The following DGKK variants were observed in gnomAD, a reference collection of about 807,000 sequenced individuals.
DGKK encodes the protein 142 kDa diacylglycerol kinase.
Under a neutral mutation model 92.2 loss-of-function variants are expected in DGKK, and 35 were observed. That is an observed-to-expected ratio of 0.38 (90% CI 0.29 to 0.50). The LOEUF (loss-of-function observed/expected upper bound fraction) is 0.50. Among genes scored for constraint, DGKK ranks in the 20% least tolerant of loss-of-function variants. DGKK has a pLI of 0.92. For synonymous variants in DGKK, 368 were observed against 360.6 expected (o/e 1.02, Z -0.23); for missense variants, 910 against 992.2 (o/e 0.92, Z 1.11).
Position 50,384,649 on chromosome X carries a change from T to C in DGKK, c.2452+71A>G, listed in dbSNP as rs782692343. 8.1e-6 allele frequency: 8 copies of C among 984,623 alleles called. No individual in the cohort carries two copies. The South Asian group carries it at 1.5e-4, about 18-fold the overall frequency. 81.1% of individuals were successfully genotyped at this position (984,623 alleles called of 1,213,427 possible). On this transcript the variant is annotated intron_variant, in intron 16 of 27. Coordinates refer to ENST00000611977, the MANE Select transcript of DGKK (RefSeq NM_001013742.4). ...TAAAAGAGGATGCATAAAAAATACATATTTATTCTTTGGGAGCTAAACAAC... is the reference window on the plus strand; with the variant it reads ...TAAAAGAGGATGCATAAAAAATACACATTTATTCTTTGGGAGCTAAACAAC...
chrX:50,424,208 AC>A, intron 2 of DGKK, 39 bp downstream of exon 2: 1 of 1,150,128 alleles, frequency 8.7e-7, no homozygotes, highest in Non-Finnish European at 1.2e-6. Flanking sequence ...GTTTCCTGGC[AC>A]CCACCCATTA....
rs1043432719 is a variant in DGKK, at chrX:50,370,674, G to A, written c.3613-125C>T. On this transcript the variant is annotated intron_variant, in intron 26 of 27. Coordinates refer to ENST00000611977, the MANE Select transcript of DGKK (RefSeq NM_001013742.4). The stretch of plus-strand genomic sequence containing the variant: ...AACAGGGAGATCTGCTCTCTATCCA[G>A]GTATGAGAAACACCCCCATCACTGG... 4.4e-5 allele frequency: 34 copies of A among 780,114 alleles called. No homozygotes were observed. In the Admixed American group the frequency reaches 1.1e-3, roughly 26 times the overall value. The allele number at this position is 780,114 out of a possible 1,213,427, so 64.3% of individuals were successfully genotyped here.
chrX:50,462,207 A>G (rs181589360), intron 1 of DGKK, among the ~76,000 whole-genome samples: 339 of 110,814 alleles, frequency 3.1e-3, no homozygotes, highest in African/African-American at 0.01. Context: ...AGTGTTGCCT[A>G]CCTGGATGAT....
intron 22 of DGKK, 58 bp from the exon 23 acceptor site, chrX:50,376,976 C>G (rs1466777057): frequency 9.1e-7 from 1 of 1,097,104 alleles, no homozygotes; most frequent in Non-Finnish European, 1.2e-6. Flanking sequence ...GTGCACATGA[C>G]AGATCTGTCT....
chrX:50,440,631 C>T (rs1926149183), intron 1 of DGKK, among the ~76,000 whole-genome samples: 1 of 111,496 alleles, frequency 9.0e-6, no homozygotes, highest in South Asian at 3.8e-4. Flanking sequence ...CTTTGGGAAG[C>T]TAAGAGAATT....
rs782285554 is a variant in DGKK at position 50,450,666 on chromosome X, T to C, written c.645+19368A>G. ...TTCATGTTATTTTTAGACTACTGAG[T>C]CAAAGTTCTTCCCAGAGGACAAGAG... On this transcript the variant is annotated intron_variant, in intron 1 of 27. Transcript: ENST00000611977. 3.6e-5 allele frequency among the ~76,000 whole-genome samples: 4 copies of C among 112,069 alleles called. No homozygotes were observed. In the Admixed American group the frequency reaches 3.8e-4, roughly 11 times the overall value.
Position 50,426,760 on chromosome X carries a change from T to G in DGKK, c.646-2402A>C, listed in dbSNP as rs782033723. Reference sequence around the variant, plus strand: ...CCAGAGCAACAACTAGAAAAATAACTTTTAAAAATTATTAATACATCATAA... The same window carrying G: ...CCAGAGCAACAACTAGAAAAATAACGTTTAAAAATTATTAATACATCATAA... On this transcript the variant is annotated intron_variant, in intron 1 of 27. Coordinates refer to ENST00000611977, the MANE Select transcript of DGKK (RefSeq NM_001013742.4). 1.5e-3 allele frequency among the ~76,000 whole-genome samples: 164 copies of G among 112,243 alleles called. No homozygotes were observed. In the Middle Eastern group the frequency reaches 0.018, roughly 13 times the overall value.
chrX:50,462,092 G>A (rs1195456315), intron 1 of DGKK, among the ~76,000 whole-genome samples: 5 of 111,427 alleles, frequency 4.5e-5, no homozygotes, highest in Admixed American at 3.8e-4. Flanking sequence ...GAACAATGAC[G>A]CAGCGAATTC....
In DGKK at chrX:50,393,168, C is replaced by A. The variant is rs1924744068; in HGVS notation, c.1579G>T (p.Gly527Cys). 8.3e-7 allele frequency: 1 copy of A among 1,209,140 alleles called. No homozygotes were observed. Among genetic ancestry groups the A allele is most frequent in the Non-Finnish European group, 1.1e-6 (1 of 894,015 alleles). The part of the protein sequence containing the change: ...NPSQVFDLLK[G>C]GPEAGLSMFK... ...CAGGCTTACCCTGCTTCAGGTCCAC[C>A]CTTCAATAAGTCGAACACTTGAGAT... The change falls in exon 9 of 28, where the codon GGT (glycine) becomes TGT (cysteine). Residue 527 changes from glycine to cysteine, a missense_variant. Gly to Cys is a radical substitution (Grantham distance 159). Coordinates refer to ENST00000611977, the MANE Select transcript of DGKK (RefSeq NM_001013742.4).
intron 1 of DGKK, among the ~76,000 whole-genome samples, chrX:50,467,494 T>C (rs1045003256): frequency 2.6e-5 from 3 of 113,220 alleles, no homozygotes; most frequent in South Asian, 7.2e-4. Context: ...ATGCTTGCTA[T>C]GGAGGATTTC....
intron 1 of DGKK, 148 bp downstream of exon 1, chrX:50,469,886 G>C: frequency 1.2e-5 from 9 of 749,287 alleles, no homozygotes; most frequent in Admixed American, 1.1e-4. Context: ...CCATTCCCCC[G>C]GGTTCCCCAT....
chrX:50,377,998 G>T lies in DGKK; in HGVS notation c.3111+100C>A, dbSNP rs782262793. ...GTGACTCTGATGCCAGGGGCACACA[G>T]ACCTCCTTTTGAGGAATTCTGCTTG... On this transcript the variant is annotated intron_variant, in intron 22 of 27. Coordinates refer to ENST00000611977, the MANE Select transcript of DGKK (RefSeq NM_001013742.4). The T allele has an allele frequency of 3.9e-6, 4 of 1,016,708 alleles. No homozygotes were observed. In the African/African-American group the frequency reaches 7.8e-5, roughly 20 times the overall value. 83.8% of individuals were successfully genotyped at this position (1,016,708 alleles called of 1,213,427 possible).
chrX:50,376,237 G>T (rs898584085), intron 23 of DGKK, 72 bp from the exon 24 acceptor site: 1 of 1,108,615 alleles, frequency 9.0e-7, no homozygotes, highest in East Asian at 3.0e-5. Context: ...ACTGGTGAGG[G>T]TTTGGGTAAG....
At chrX:50,447,374 TATATATATAATA>T (rs1926365812) in intron 1 of DGKK, among the ~76,000 whole-genome samples, 1 of 19,929 alleles carries the variant, frequency 5.0e-5, no homozygotes, top group African/African-American at 1.7e-4. Context: ...ATATATTATA[TATATATATAATA>T]TATATATATT....
chrX:50,445,531 A>G (rs1283993187), intron 1 of DGKK, among the ~76,000 whole-genome samples: 4 of 111,223 alleles, frequency 3.6e-5, no homozygotes, highest in African/African-American at 1.3e-4. Context: ...CACTTATTTA[A>G]TAGGAAGTCT....
intron 1 of DGKK, among the ~76,000 whole-genome samples, chrX:50,427,923 C>T (rs1163686828): frequency 1.8e-5 from 2 of 110,431 alleles, no homozygotes; most frequent in Non-Finnish European, 3.8e-5. Flanking sequence ...TAAACATATA[C>T]CCATGTGATA....
chrX:50,416,773 T>C (rs1391120767), intron 4 of DGKK, among the ~76,000 whole-genome samples: 2 of 111,302 alleles, frequency 1.8e-5, no homozygotes, highest in Non-Finnish European at 3.8e-5. Context: ...AGCAAACCAC[T>C]AGCCATGGAC....
intron 1 of DGKK, among the ~76,000 whole-genome samples, chrX:50,464,353 G>A (rs1557233744): frequency 9.1e-6 from 1 of 109,431 alleles, no homozygotes; most frequent in Non-Finnish European, 1.9e-5. Flanking sequence ...TGGAGGAGTG[G>A]TATTTCTTTT....
rs184508487 is a variant in DGKK at position 50,400,458 on chromosome X, C to T, written c.1411+579G>A. ...TTCCCTTGGCACTTAGCATATGACA[C>T]ATCAAATTGTTAATTGTTGTATTAT... On this transcript the variant is annotated intron_variant, in intron 8 of 27. Coordinates refer to ENST00000611977, the MANE Select transcript of DGKK (RefSeq NM_001013742.4). Among the ~76,000 whole-genome samples, 262 of 112,142 alleles carry T rather than the reference C, an allele frequency of 2.3e-3. 2 individuals carry two copies. The highest frequency in any genetic ancestry group is 6.2e-3 in the East Asian group (22 of 3,569).
Sources: gnomAD v4.1 joint callset for allele counts (sites outside exome capture counted in the v4.1 genomes callset) on GRCh38, gnomAD v4.1.1 for gene constraint, MANE v1.5 for transcripts, NCBI Gene and HGNC (gene_info 2026-07-23, HGNC 2026-07-21) for gene names.